The following NRG4 variants were observed in gnomAD, a reference collection of about 807,000 sequenced individuals.
NRG4 encodes pro-neuregulin-4, membrane-bound isoform.
Under a neutral mutation model 15.0 loss-of-function variants are expected in NRG4, and 10 were observed. The observed-to-expected ratio is 0.67, with a 90% confidence interval of 0.41 to 1.13. NRG4 has a LOEUF of 1.13. Ranked by LOEUF, NRG4 falls within the 50% of genes most tolerant of loss-of-function variation. The probability of loss-of-function intolerance (pLI) is 0.00; values close to 1 mark genes in which losing one functional copy is unlikely to be tolerated. For missense variants in NRG4, 139 were observed against 140.2 expected, an observed-to-expected ratio of 0.99 and a Z score of 0.04; for synonymous variants, 41 against 50.1, an observed-to-expected ratio of 0.82 and a Z score of 0.77.
rs35218749 is a variant in NRG4 at position 76,019,014 on chromosome 15, T to TA, written c.-56-7729dup. 3.3e-5 allele frequency among the ~76,000 whole-genome samples: 5 copies of TA among 151,958 alleles called. No individual in the cohort carries two copies. In the South Asian group the frequency reaches 1.0e-3, roughly 31 times the overall value. ...GACTGGGGCTGCTGCCTTTTTTTTT[T>TA]AGAGATTCCCCTGCCCAGAGAGAAG... is the stretch of plus-strand genomic sequence containing the variant. On this transcript the variant is annotated intron_variant, in intron 5 of 8. Transcript: ENST00000563910.
At chr15:75,960,277 G>C (rs149895234) in intron 4 of NRG4, among the ~76,000 whole-genome samples, 1 of 152,310 alleles carries the variant, frequency 6.6e-6, no homozygotes, top group East Asian at 1.9e-4. Flanking sequence ...TAGAGGGATA[G>C]AATAGATCAT....
At position 76,009,241 on chromosome 15, in the gene NRG4, C is replaced by A; in HGVS notation, c.63G>T (p.Gly21=). 6.2e-7 allele frequency: 1 copy of A among 1,603,814 alleles called. No homozygotes were observed. The highest frequency in any genetic ancestry group is 8.5e-7 in the Non-Finnish European group (1 of 1,171,884). The part of the protein sequence containing the change: ...PSHKSFCLNG[G]LCYVIPTIPS... The stretch of plus-strand genomic sequence containing the variant: ...GAATAGTAGGTATCACATAACAAAG[C>A]CCCCCATTCAGGCAAAACGACTTGT... The change falls in exon 3 of 6, where the codon GGG becomes GGT. Residue 21 remains glycine, a synonymous_variant. Transcript: ENST00000394907.
intron 2 of NRG4, among the ~76,000 whole-genome samples, chr15:76,056,740 A>G (rs2141972491): frequency 6.6e-6 from 1 of 152,334 alleles, no homozygotes; most frequent in South Asian, 2.1e-4. Context: ...ACATGGCATC[A>G]GATTCACTTG....
chr15:75,953,821 G>A (rs2032055384), intron 5 of NRG4, among the ~76,000 whole-genome samples: 2 of 151,942 alleles, frequency 1.3e-5, no homozygotes, highest in African/African-American at 2.4e-5. Context: ...CAGGTAGCTG[G>A]GACTACAGAT....
rs907706237 is a variant in NRG4 at position 76,059,385 on chromosome 15, C to T, written c.-328+270G>A. Among the ~76,000 whole-genome samples the T allele has an allele frequency of 8.5e-5, 13 of 152,342 alleles. No individual in the cohort carries two copies. The East Asian group carries it at 2.5e-3, about 30-fold the overall frequency. On this transcript the variant is annotated intron_variant, in intron 1 of 8. Transcript: ENST00000563910. Reference sequence around the variant, plus strand: ...CAGCGGGCACTGCGTGCCATCCGCTCCCTCACCGGGCGCCCCGCGCGGATG... The same window carrying T: ...CAGCGGGCACTGCGTGCCATCCGCTTCCTCACCGGGCGCCCCGCGCGGATG...
At chr15:76,054,930 T>C (rs1567131655) in intron 2 of NRG4, among the ~76,000 whole-genome samples, 1 of 152,334 alleles carries the variant, frequency 6.6e-6, no homozygotes, top group East Asian at 1.9e-4. Context: ...TTGAAGCAAC[T>C]ATTAACAATG....
intron 4 of NRG4, among the ~76,000 whole-genome samples, chr15:76,037,510 C>T (rs1404362996): frequency 6.6e-6 from 1 of 152,118 alleles, no homozygotes; most frequent in Admixed American, 6.5e-5. Flanking sequence ...TCAGACAAGC[C>T]CTAGCCAGAG....
chr15:76,001,150 A>AT (rs368116358), intron 3 of NRG4, among the ~76,000 whole-genome samples: 8 of 151,338 alleles, frequency 5.3e-5, no homozygotes, highest in African/African-American at 1.2e-4. Flanking sequence ...CACACCTGGT[A>AT]TTTTTTTTGT....
chr15:76,002,917 A>G (rs1308621779), intron 3 of NRG4, among the ~76,000 whole-genome samples: 1 of 152,178 alleles, frequency 6.6e-6, no homozygotes, highest in African/African-American at 2.4e-5. Flanking sequence ...GTGATAGAAT[A>G]ATGGGCAAAA....
chr15:76,000,787 T>C (rs1343121685), intron 3 of NRG4, among the ~76,000 whole-genome samples: 1 of 152,258 alleles, frequency 6.6e-6, no homozygotes, highest in East Asian at 1.9e-4. Context: ...ACAATACTCA[T>C]TAATAGAGGC....
At chr15:76,007,220 G>C (rs1010429615) in intron 3 of NRG4, among the ~76,000 whole-genome samples, 1 of 151,846 alleles carries the variant, frequency 6.6e-6, no homozygotes, top group Non-Finnish European at 1.5e-5. Context: ...ATAAAGCTAC[G>C]TTTATCAAGA....
chr15:75,983,828 C>G (rs962001441), intron 3 of NRG4, among the ~76,000 whole-genome samples: 1 of 151,838 alleles, frequency 6.6e-6, no homozygotes, highest in Non-Finnish European at 1.5e-5. Flanking sequence ...ATATTCTAGG[C>G]TAAATAGATT....
Position 75,964,855 on chromosome 15 carries a change from C to T in NRG4, c.105-2881G>A, listed in dbSNP as rs550189757. Among the ~76,000 whole-genome samples the T allele has an allele frequency of 2.0e-5, 3 of 152,010 alleles. No individual in the cohort carries two copies. The South Asian group carries it at 6.2e-4, about 32-fold the overall frequency. The stretch of plus-strand genomic sequence containing the variant: ...GTGGGAGAATCACTTGAGCCCAGGT[C>T]AAGGCATAGTGAGCCCTGATTGCAC... On this transcript the variant is annotated intron_variant, in intron 3 of 5. Transcript: ENST00000394907.
At chr15:76,010,232 C>G (rs334949) in intron 2 of NRG4, among the ~76,000 whole-genome samples, 2,092 of 152,148 alleles carry the variant, frequency 0.014, 48 homozygotes, top group African/African-American at 0.047. Flanking sequence ...TATCTTCCAG[C>G]CTTAAAGGGG....
intron 5 of NRG4, among the ~76,000 whole-genome samples, chr15:76,034,818 T>C (rs1321441281): frequency 6.6e-6 from 1 of 152,156 alleles, no homozygotes; most frequent in African/African-American, 2.4e-5. Flanking sequence ...GGCAGAATAC[T>C]TCTATGGCGA....
Position 75,984,286 on chromosome 15 carries a change from C to T in NRG4, c.105-22312G>A, listed in dbSNP as rs73449068. Among the ~76,000 whole-genome samples, 8 of 151,252 alleles carry T rather than the reference C, an allele frequency of 5.3e-5. No individual in the cohort carries two copies. In the South Asian group the frequency reaches 6.3e-4, roughly 12 times the overall value. ...AACGGGGGAGGCCTTGCATGTGTCA[C>T]GGCAGGGGGTATATACAGGGAAGTC... On this transcript the variant is annotated intron_variant, in intron 3 of 5. Coordinates refer to ENST00000394907, the MANE Select transcript of NRG4 (RefSeq NM_138573.4).
In NRG4 at chr15:76,049,810, TAACAA is replaced by T. The variant is rs1324113633; in HGVS notation, c.-105+2252_-105+2256del. ...ATCCCACATTTCGGGGAACTATTCT[TAACAA>T]TCCCACTTGAACACACTGTTCTTTA... is the stretch of plus-strand genomic sequence containing the variant. On this transcript the variant is annotated intron_variant, in intron 4 of 8. Transcript: ENST00000563910. Among the ~76,000 whole-genome samples, 19 of 150,818 alleles carry T rather than the reference TAACAA, an allele frequency of 1.3e-4. 1 individual carries two copies. The highest frequency in any genetic ancestry group is 1.7e-4 in the African/African-American group (7 of 40,402).
intron 4 of NRG4, among the ~76,000 whole-genome samples, chr15:76,050,597 A>ATTTTTTTTTTTTTTTTTT: frequency 9.2e-6 from 1 of 108,954 alleles, no homozygotes; most frequent in Non-Finnish European, 1.8e-5. Context: ...CGCTCGGCTA[A>ATTTTTTTTTTTTTTTTTT]TTTTTTTTTT....
chr15:76,052,761 T>G (rs1472403109), intron 3 of NRG4, among the ~76,000 whole-genome samples: 2 of 151,128 alleles, frequency 1.3e-5, no homozygotes, highest in African/African-American at 4.9e-5. Flanking sequence ...CAGGTTACCT[T>G]AATTATATCA....
Sources: gnomAD v4.1 joint callset for allele counts (sites outside exome capture counted in the v4.1 genomes callset) on GRCh38, gnomAD v4.1.1 for gene constraint, MANE v1.5 for transcripts, NCBI Gene and HGNC (gene_info 2026-07-23, HGNC 2026-07-21) for gene names.